Variants in PDGFD observed in about 807,000 individuals in gnomAD.
PDGFD encodes platelet-derived growth factor D.
A neutral mutation model predicts 44.7 loss-of-function variants in PDGFD; 30 were observed. The observed-to-expected ratio is 0.67, with a 90% CI of 0.50 to 0.91. The LOEUF (loss-of-function observed/expected upper bound fraction) is 0.91. PDGFD is among the 40% of genes least tolerant of loss of function. The pLI, the probability that PDGFD is intolerant of heterozygous loss-of-function variation, is 0.00. For missense variants in PDGFD, 445 were observed against 457.8 expected (o/e 0.97, Z 0.25); for synonymous variants, 173 against 168.4 (o/e 1.03, Z -0.21).
At chr11:104,118,366 A>G (rs1017726790) in intron 1 of PDGFD, among the ~76,000 whole-genome samples, 2 of 151,950 alleles carry the variant, frequency 1.3e-5, no homozygotes, top group African/African-American at 4.8e-5. Flanking sequence ...ACAAACCAGA[A>G]AGTGGACTCT....
At chr11:104,020,876 G>A (rs1455189442) in intron 1 of PDGFD, among the ~76,000 whole-genome samples, 6 of 152,058 alleles carry the variant, frequency 3.9e-5, no homozygotes, top group Non-Finnish European at 8.8e-5. Flanking sequence ...GTTAGTGAAA[G>A]AAACAAAATC....
In PDGFD at chr11:104,000,170, C is replaced by T. The variant is rs761535160; in HGVS notation, c.210G>A (p.Pro70=). The change falls in exon 2 of 7, where the codon CCG becomes CCA. Residue 70 remains proline (P), a synonymous_variant. Transcript: ENST00000393158. ...GGAGCAGGTTCCTGGGGTAGCTGTTCGGGAATCTAGGACTCTGCACGTAGC... is the reference window on the plus strand; with the variant it reads ...GGAGCAGGTTCCTGGGGTAGCTGTTTGGGAATCTAGGACTCTGCACGTAGC... ...GNGYVQSPRF[P]NSYPRNLLLT... 262 of 1,613,830 alleles carry T rather than the reference C, an allele frequency of 1.6e-4. 1 individual carries two copies. Among genetic ancestry groups the T allele is most frequent in the East Asian group, 2.5e-4 (11 of 44,860 alleles).
At chr11:104,053,633 AAAAT>A (rs1178578979) in intron 1 of PDGFD, among the ~76,000 whole-genome samples, 5 of 152,214 alleles carry the variant, frequency 3.3e-5, no homozygotes, top group African/African-American at 9.6e-5. Context: ...CATTCACATA[AAAAT>A]AAATTGGGAG....
chr11:103,944,267 T>A (rs1858637593), intron 4 of PDGFD, among the ~76,000 whole-genome samples: 1 of 152,210 alleles, frequency 6.6e-6, no homozygotes, highest in Non-Finnish European at 1.5e-5. Context: ...CATATTTTTT[T>A]AAAGTGCTAT....
At chr11:104,157,055 G>GA (rs1316815284) in intron 1 of PDGFD, among the ~76,000 whole-genome samples, 14 of 152,104 alleles carry the variant, frequency 9.2e-5, no homozygotes, top group Non-Finnish European at 1.5e-4. Context: ...GTAGCTATTT[G>GA]AAAAAACTTA....
intron 5 of PDGFD, among the ~76,000 whole-genome samples, chr11:103,941,637 C>T (rs1858585804): frequency 1.3e-5 from 2 of 151,826 alleles, no homozygotes; most frequent in African/African-American, 4.8e-5. Flanking sequence ...AAAAAAAAAT[C>T]ACAAAACTTG....
chr11:104,146,330 A>G (rs1217227787), intron 1 of PDGFD, among the ~76,000 whole-genome samples: 1 of 152,200 alleles, frequency 6.6e-6, no homozygotes, highest in African/African-American at 2.4e-5. Flanking sequence ...AGTGTGTTCC[A>G]GGGAAGTAAC....
intron 1 of PDGFD, among the ~76,000 whole-genome samples, chr11:104,143,023 A>G (rs1434979202): frequency 1.3e-5 from 2 of 152,174 alleles, no homozygotes; most frequent in South Asian, 2.1e-4. Context: ...TCACTGAAAA[A>G]TGGAGGCCTG....
At chr11:104,051,559 G>C (rs934087005) in intron 1 of PDGFD, among the ~76,000 whole-genome samples, 1 of 151,870 alleles carries the variant, frequency 6.6e-6, no homozygotes, top group Non-Finnish European at 1.5e-5. Flanking sequence ...TCCCTGGGAA[G>C]ATTTAAAATT....
At chr11:104,037,885 G>A (rs1860279412) in intron 1 of PDGFD, 1 of 1,614,064 alleles carries the variant, frequency 6.2e-7, no homozygotes, top group African/African-American at 1.3e-5. Flanking sequence ...CGGCACCACT[G>A]GCACGCAGAC....
intron 1 of PDGFD, among the ~76,000 whole-genome samples, chr11:104,116,029 T>A (rs1861632026): frequency 6.6e-6 from 1 of 151,976 alleles, no homozygotes; most frequent in African/African-American, 2.4e-5. Flanking sequence ...TCATGCTCTT[T>A]AGTTTAATTA....
At chr11:104,038,641 T>G (rs1156488962) in intron 1 of PDGFD, 1 of 167,108 alleles carries the variant, frequency 6.0e-6, no homozygotes, top group African/African-American at 2.4e-5. Context: ...TAAAGACTAT[T>G]TTTGCCATAT....
intron 1 of PDGFD, among the ~76,000 whole-genome samples, chr11:104,053,151 T>C (rs1860567835): frequency 6.6e-6 from 1 of 152,174 alleles, no homozygotes; most frequent in Admixed American, 6.5e-5. Flanking sequence ...AGTGGGTTAG[T>C]GATCTAACTT....
At chr11:104,035,089 C>T (rs746934991) in intron 1 of PDGFD, among the ~76,000 whole-genome samples, 1 of 152,040 alleles carries the variant, frequency 6.6e-6, no homozygotes, top group Non-Finnish European at 1.5e-5. Context: ...GAGAAGGTGG[C>T]TGTGCCCAAA....
chr11:103,936,143 T>C (rs1858484538), intron 5 of PDGFD, among the ~76,000 whole-genome samples: 4 of 152,206 alleles, frequency 2.6e-5, no homozygotes, highest in Admixed American at 2.0e-4. Context: ...AATAATGTAA[T>C]ATTAATAAGC....
chr11:103,942,270 A>G (rs1858596824), intron 5 of PDGFD, among the ~76,000 whole-genome samples: 1 of 152,114 alleles, frequency 6.6e-6, no homozygotes, highest in South Asian at 2.1e-4. Context: ...TTTAGGGAAC[A>G]TTTCAATTAT....
At chr11:103,992,761 G>GT in intron 3 of PDGFD, among the ~76,000 whole-genome samples, 1 of 152,162 alleles carries the variant, frequency 6.6e-6, no homozygotes, top group Non-Finnish European at 1.5e-5. Flanking sequence ...GTTTGCTAGA[G>GT]TAAAAAACCG....
chr11:103,985,076 TATA>T (rs1859338363), intron 3 of PDGFD, among the ~76,000 whole-genome samples: 1 of 138,196 alleles, frequency 7.2e-6, no homozygotes, highest in Non-Finnish European at 1.5e-5. Context: ...ATTTAATAGT[TATA>T]TTTATTTAAT....
chr11:104,138,300 C>A (rs1407095741), intron 1 of PDGFD, among the ~76,000 whole-genome samples: 1 of 151,866 alleles, frequency 6.6e-6, no homozygotes, highest in East Asian at 1.9e-4. Flanking sequence ...TTATGAAAAC[C>A]CAAAGAGGAA....
Sources: allele counts gnomAD v4.1 joint callset (sites outside exome capture counted in the v4.1 genomes callset), GRCh38; gene constraint gnomAD v4.1.1; transcripts MANE v1.5; gene names NCBI Gene and HGNC (gene_info 2026-07-23, HGNC 2026-07-21).